The following KYNU variants were observed in gnomAD, a reference collection of about 807,000 sequenced individuals.
The protein encoded by KYNU is kynureninase, also known as L-kynurenine hydrolase.
KYNU carries 54 observed loss-of-function variants against 59.2 expected under a neutral mutation model. The observed-to-expected ratio is 0.91, with a 90% CI of 0.73 to 1.14. The LOEUF is 1.14. Ranked by LOEUF, KYNU falls within the 50% of genes most tolerant of loss-of-function variation. The probability of loss-of-function intolerance (pLI) is 0.00; values close to 1 mark genes in which losing one functional copy is unlikely to be tolerated. For synonymous variants in KYNU, 177 were observed against 192.0 expected (o/e 0.92, Z 0.65); for missense variants, 567 against 554.4 (o/e 1.02, Z -0.23).
In KYNU at chr2:142,992,562, G is replaced by C. The variant is rs1203486803; in HGVS notation, c.902+6541G>C. The stretch of plus-strand genomic sequence containing the variant: ...ACTTTAAAATTGATTTATTTAAGTG[G>C]TTTTTTCATATTTTCATTTGTCATC... On this transcript the variant is annotated intron_variant, in intron 10 of 13. Transcript: ENST00000264170. Among the ~76,000 whole-genome samples, 5 of 151,588 alleles carry C rather than the reference G, an allele frequency of 3.3e-5. 1 individual carries two copies. The highest frequency in any genetic ancestry group is 3.3e-4 in the Admixed American group (5 of 15,192).
intron 4 of KYNU, chr2:142,947,004 A>G (rs1385077031): frequency 1.4e-5 from 21 of 1,520,530 alleles, no homozygotes; most frequent in Non-Finnish European, 1.8e-5. Flanking sequence ...CAAGTTTATT[A>G]GTAATTTCAT....
At chr2:142,928,325 T>G (rs536955607) in intron 4 of KYNU, among the ~76,000 whole-genome samples, 1 of 152,318 alleles carries the variant, frequency 6.6e-6, no homozygotes, top group Non-Finnish European at 1.5e-5. Flanking sequence ...AAAAATTTAT[T>G]TAATTGGCTT....
Position 142,883,186 on chromosome 2 carries a change from CTTTTTTTTTTTTTTT to C in KYNU, c.-19-2150_-19-2136del, listed in dbSNP as rs70997528. 9.7e-4 allele frequency among the ~76,000 whole-genome samples: 70 copies of C among 72,046 alleles called. 1 individual carries two copies. The Admixed American group carries it at 0.012, about 13-fold the overall frequency. The allele number at this position is 72,046 out of a possible 152,430, so 47.3% of individuals were successfully genotyped here. A position where few individuals can be genotyped will look rare whatever the true frequency, so the allele number is the denominator to read the frequency against. ...AGTTTTCTTTCTGGCTCCCAAATTT[CTTTTTTTTTTTTTTT>C]TTTTTTTTTTTTGAGATGGAGTCTC... is the stretch of plus-strand genomic sequence containing the variant. On this transcript the variant is annotated intron_variant, in intron 1 of 13. Transcript: ENST00000264170.
At chr2:142,956,140 A>G in intron 5 of KYNU, 63 bp from the exon 6 acceptor site, 6 of 914,258 alleles carry the variant, frequency 6.6e-6, no homozygotes, top group Middle Eastern at 2.5e-4. Context: ...ATAGTGTGAC[A>G]TAAAATGAAC....
rs1687234724 is a variant in KYNU at position 143,049,893 on chromosome 2, G to A, written c.*7721G>A. On this transcript the variant is annotated 3_prime_UTR_variant, in exon 14 of 14. Coordinates refer to ENST00000264170, the MANE Select transcript of KYNU (RefSeq NM_003937.3). ...ATTCTTTGAAAACTGAGTTAAGTCT[G>A]ATTTTCCAGAGTTTTTATGTTTGCT... is the stretch of plus-strand genomic sequence containing the variant. The A allele has an allele frequency of 6.6e-6, 1 of 151,846 alleles. No individual in the cohort carries two copies. The highest frequency in any genetic ancestry group is 1.5e-5 in the Non-Finnish European group (1 of 67,950). 9.4% of individuals were successfully genotyped at this position (151,846 alleles called of 1,614,324 possible). A position where few individuals can be genotyped will look rare whatever the true frequency, so the allele number is the denominator to read the frequency against.
chr2:142,953,702 TA>T (rs1376469158), intron 4 of KYNU, among the ~76,000 whole-genome samples: 1 of 152,234 alleles, frequency 6.6e-6, no homozygotes, highest in East Asian at 1.9e-4. Context: ...ATACGTCTTT[TA>T]GCATCCACCA....
chr2:143,014,181 T>G (rs1686189510), intron 10 of KYNU, among the ~76,000 whole-genome samples: 1 of 152,242 alleles, frequency 6.6e-6, no homozygotes. Context: ...GACTGCCCCT[T>G]AGGGCTGAGG....
intron 4 of KYNU, among the ~76,000 whole-genome samples, chr2:142,942,200 A>G (rs1683626100): frequency 6.6e-6 from 1 of 151,742 alleles, no homozygotes; most frequent in African/African-American, 2.4e-5. Context: ...AAAATGTGTA[A>G]CTTCACTCAA....
rs1335290966 is a variant in KYNU at position 143,049,145 on chromosome 2, ACTCT to A, written c.*6977_*6980del. On this transcript the variant is annotated 3_prime_UTR_variant, in exon 14 of 14. Coordinates refer to ENST00000264170, the MANE Select transcript of KYNU (RefSeq NM_003937.3). ...AAAAGGGTATATGTTAGAATTTTTC[ACTCT>A]CTCCTTTATGCCTTTAACTTCATAT... The A allele has an allele frequency of 6.6e-6, 1 of 151,628 alleles. No individual in the cohort carries two copies. Among genetic ancestry groups the A allele is most frequent in the East Asian group, 1.9e-4 (1 of 5,186 alleles). 9.4% of individuals were successfully genotyped at this position (151,628 alleles called of 1,614,324 possible). A position where few individuals can be genotyped will look rare whatever the true frequency, so the allele number is the denominator to read the frequency against.
At chr2:142,969,133 G>C (rs1440801193) in intron 8 of KYNU, among the ~76,000 whole-genome samples, 1 of 151,826 alleles carries the variant, frequency 6.6e-6, no homozygotes, top group African/African-American at 2.4e-5. Flanking sequence ...ACTCACCTTT[G>C]GTTCTATTCA....
At chr2:142,971,969 A>C (rs1232583692) in intron 8 of KYNU, among the ~76,000 whole-genome samples, 1 of 152,230 alleles carries the variant, frequency 6.6e-6, no homozygotes, top group Non-Finnish European at 1.5e-5. Context: ...TAAATGAACT[A>C]AATTAAGCTT....
rs1687336611 is a variant in KYNU at position 143,055,452 on chromosome 2, C to G, written c.*13280C>G. On this transcript the variant is annotated 3_prime_UTR_variant, in exon 14 of 14. Coordinates refer to ENST00000264170, the MANE Select transcript of KYNU (RefSeq NM_003937.3). ...TCTTCTGTCTTCCACTTTTAAGAGCCTTTTTGAGTCTATTGAGGCCAACTG... is the reference window on the plus strand; with the variant it reads ...TCTTCTGTCTTCCACTTTTAAGAGCGTTTTTGAGTCTATTGAGGCCAACTG... The G allele has an allele frequency of 6.6e-6, 1 of 152,120 alleles. No individual in the cohort carries two copies. The highest frequency in any genetic ancestry group is 2.4e-5 in the African/African-American group (1 of 41,410). 9.4% of individuals were successfully genotyped at this position (152,120 alleles called of 1,614,324 possible).
chr2:142,937,235 C>T (rs912158593), intron 4 of KYNU, among the ~76,000 whole-genome samples: 12 of 151,946 alleles, frequency 7.9e-5, no homozygotes, highest in African/African-American at 2.9e-4. Context: ...TGGTACTGGG[C>T]CTGAGAAGGG....
rs1189210704 is a variant in KYNU, at chr2:143,055,494, CT to C, written c.*13323del. On this transcript the variant is annotated 3_prime_UTR_variant, in exon 14 of 14. Transcript: ENST00000264170. ...GGCCAACTGGACAATCAAGGATTAT[CT>C]CCCTATGTTAAGGTCAATTGATTAG... 6.6e-6 allele frequency: 1 copy of C among 152,170 alleles called. No homozygotes were observed. Among genetic ancestry groups the C allele is most frequent in the Non-Finnish European group, 1.5e-5 (1 of 68,034 alleles). 9.4% of individuals were successfully genotyped at this position (152,170 alleles called of 1,614,324 possible). A position where few individuals can be genotyped will look rare whatever the true frequency, so the allele number is the denominator to read the frequency against.
intron 10 of KYNU, among the ~76,000 whole-genome samples, chr2:142,999,156 A>C (rs545210172): frequency 6.6e-6 from 1 of 152,246 alleles, no homozygotes; most frequent in South Asian, 2.1e-4. Context: ...TCATTTTTAA[A>C]AACCTGCTCC....
At position 142,879,022 on chromosome 2, in the gene KYNU, G is replaced by A. The variant is rs191650234; in HGVS notation, c.-20+1286G>A. Among the ~76,000 whole-genome samples the A allele has an allele frequency of 4.1e-4, 63 of 152,268 alleles. 1 individual carries two copies. Among genetic ancestry groups the A allele is most frequent in the African/African-American group, 1.5e-3 (61 of 41,554 alleles). On this transcript the variant is annotated intron_variant, in intron 1 of 13. Transcript: ENST00000264170. The stretch of plus-strand genomic sequence containing the variant: ...CTAAATATGTAACATTTGAAAATTT[G>A]TAAAATATGTAAAAGTTGAAGTTTT...
At chr2:143,004,077 C>T (rs949059769) in intron 10 of KYNU, among the ~76,000 whole-genome samples, 9 of 152,198 alleles carry the variant, frequency 5.9e-5, no homozygotes, top group African/African-American at 2.2e-4. Flanking sequence ...TTGACTAATT[C>T]ATGAAAATGT....
intron 2 of KYNU, among the ~76,000 whole-genome samples, chr2:142,899,470 A>G (rs890066461): frequency 6.6e-6 from 1 of 152,130 alleles, no homozygotes; most frequent in African/African-American, 2.4e-5. Context: ...AGCCTAGAAA[A>G]TCCAGCTAGT....
At chr2:142,959,192 A>C (rs1684261555) in intron 7 of KYNU, among the ~76,000 whole-genome samples, 1 of 152,168 alleles carries the variant, frequency 6.6e-6, no homozygotes, top group Non-Finnish European at 1.5e-5. Flanking sequence ...AAGATAATTA[A>C]AAATTAAAAG....
Sources: allele counts gnomAD v4.1 joint callset (sites outside exome capture counted in the v4.1 genomes callset), GRCh38; gene constraint gnomAD v4.1.1; transcripts MANE v1.5; gene names NCBI Gene and HGNC (gene_info 2026-07-23, HGNC 2026-07-21).